NFKB1: variants seen among roughly 807,000 people sequenced by gnomAD.
NFKB1 encodes the protein nuclear factor kappa B subunit 1.
Under a neutral mutation model 105.1 loss-of-function variants are expected in NFKB1, and 9 were observed. The ratio of observed to expected loss-of-function variants is 0.09; its 90% CI spans 0.05 to 0.15. The LOEUF (loss-of-function observed/expected upper bound fraction) is 0.15. NFKB1 is among the 10% of genes least tolerant of loss of function. NFKB1 has a pLI of 1.00. For missense variants in NFKB1, 830 were observed against 1,203.7 expected, an observed-to-expected ratio of 0.69 and a Z score of 4.59; for synonymous variants, 440 against 442.2, an observed-to-expected ratio of 1.00 and a Z score of 0.06.
At chr4:102,534,603 G>A (rs929929606) in intron 4 of NFKB1, among the ~76,000 whole-genome samples, 49 of 152,172 alleles carry the variant, frequency 3.2e-4, no homozygotes, top group Non-Finnish European at 2.2e-4. Context: ...AATCTTTAAT[G>A]TCTGCCTATA....
intron 5 of NFKB1, among the ~76,000 whole-genome samples, chr4:102,539,236 C>CAAAAAAAAAAAAAAAAAAAAAAAA (rs550342036): frequency 3.1e-5 from 3 of 95,636 alleles, no homozygotes; most frequent in African/African-American, 1.1e-4. Context: ...GACTCTGTCT[C>CAAAAAAAAAAAAAAAAAAAAAAAA]AAAAAAAAAA....
At chr4:102,557,337 A>G (rs1241255865) in intron 5 of NFKB1, 1 of 152,230 alleles carries the variant, frequency 6.6e-6, no homozygotes, top group Admixed American at 6.5e-5. Context: ...CACATTCTAC[A>G]AATGAGAAAG....
intron 5 of NFKB1, among the ~76,000 whole-genome samples, chr4:102,564,376 A>G (rs567818710): frequency 6.6e-6 from 1 of 152,330 alleles, no homozygotes; most frequent in South Asian, 2.1e-4. Context: ...TTCATGTACC[A>G]TATAACTTGC....
intron 5 of NFKB1, among the ~76,000 whole-genome samples, chr4:102,566,211 T>A (rs1051662434): frequency 2.0e-5 from 3 of 152,210 alleles, no homozygotes; most frequent in African/African-American, 7.2e-5. Flanking sequence ...TTCCTTTTTA[T>A]TGCTATTGTC....
intron 7 of NFKB1, chr4:102,578,580 A>T (rs1725054656): frequency 4.5e-6 from 2 of 444,670 alleles, no homozygotes; most frequent in South Asian, 1.0e-4. Context: ...TGTGCCTTTA[A>T]CTCTTACTGT....
chr4:102,519,191 G>C (rs1740402469), intron 1 of NFKB1, among the ~76,000 whole-genome samples: 2 of 150,730 alleles, frequency 1.3e-5, no homozygotes, highest in South Asian at 4.2e-4. Context: ...AAAACATTCA[G>C]GTAGTATTTC....
Position 102,582,966 on chromosome 4 carries a change from TTTA to T in NFKB1, c.927+22_927+24del, listed in dbSNP as rs763086308. ...CAGATGTTCATAGACAAGTAAGTGA[TTTA>T]TTATTATTATTAATCCTTATTATTT... On this transcript the variant is annotated intron_variant, in intron 10 of 23. Transcript: ENST00000226574. The T allele has an allele frequency of 1.2e-4, 190 of 1,552,692 alleles. No homozygotes were observed. The highest frequency in any genetic ancestry group is 1.4e-4 in the Non-Finnish European group (158 of 1,126,840).
At chr4:102,520,567 A>G (rs1033943906) in intron 1 of NFKB1, among the ~76,000 whole-genome samples, 4 of 152,202 alleles carry the variant, frequency 2.6e-5, no homozygotes, top group African/African-American at 9.6e-5. Context: ...CAAATGAAAC[A>G]TGGATGTGGA....
chr4:102,572,176 C>T (rs550917156), intron 6 of NFKB1, among the ~76,000 whole-genome samples: 9 of 152,200 alleles, frequency 5.9e-5, no homozygotes, highest in African/African-American at 2.2e-4. Context: ...GAGCTCATGT[C>T]CTTTGTAGGG....
At chr4:102,530,025 G>T in intron 3 of NFKB1, 111 bp downstream of exon 3, 1 of 724,596 alleles carries the variant, frequency 1.4e-6, no homozygotes, top group Non-Finnish European at 2.3e-6. Flanking sequence ...GAAAGGAAAT[G>T]GTGATTTGTT....
At chr4:102,579,620 TAATGAGACCCCATCTCAAAAAAAAA>T (rs1374830107) in intron 8 of NFKB1, among the ~76,000 whole-genome samples, 1 of 125,790 alleles carries the variant, frequency 7.9e-6, no homozygotes, top group African/African-American at 3.4e-5. Flanking sequence ...ATGAGCAACA[TAATGAGACCCCATCTCAAAAAAAAA>T]AATATATATA....
At chr4:102,510,253 T>A (rs1028084398) in intron 1 of NFKB1, among the ~76,000 whole-genome samples, 1 of 152,210 alleles carries the variant, frequency 6.6e-6, no homozygotes, top group East Asian at 1.9e-4. Flanking sequence ...AAAAGAAACA[T>A]CTTGAGGGCA....
chr4:102,524,232 C>T (rs1740752545), intron 1 of NFKB1, among the ~76,000 whole-genome samples: 1 of 152,070 alleles, frequency 6.6e-6, no homozygotes, highest in African/African-American at 2.4e-5. Flanking sequence ...CTATCTTTAT[C>T]TGACCATGTG....
At chr4:102,581,455 G>A (rs184449432) in intron 9 of NFKB1, among the ~76,000 whole-genome samples, 1 of 152,130 alleles carries the variant, frequency 6.6e-6, no homozygotes, top group Admixed American at 6.5e-5. Flanking sequence ...AGAAAAAAAT[G>A]GGATCAGATT....
At chr4:102,537,754 C>G (rs41452347) in intron 4 of NFKB1, 104 bp from the exon 5 acceptor site, 7 of 574,388 alleles carry the variant, frequency 1.2e-5, no homozygotes, top group Non-Finnish European at 3.1e-6. Context: ...TTTTTCTTCT[C>G]TCATTTAGTA....
intron 16 of NFKB1, among the ~76,000 whole-genome samples, chr4:102,604,525 G>A (rs1434947017): frequency 6.6e-6 from 1 of 151,922 alleles, no homozygotes; most frequent in Non-Finnish European, 1.5e-5. Flanking sequence ...AGTTCTTTGT[G>A]CATATATTTT....
At chr4:102,530,440 C>T (rs369929307) in intron 3 of NFKB1, among the ~76,000 whole-genome samples, 1 of 151,918 alleles carries the variant, frequency 6.6e-6, no homozygotes, top group African/African-American at 2.4e-5. Context: ...TTAATTGTGC[C>T]GATTGGCAAC....
At chr4:102,613,367 C>A in intron 22 of NFKB1, 58 bp from the exon 23 acceptor site, 1 of 1,579,454 alleles carries the variant, frequency 6.3e-7, no homozygotes. Flanking sequence ...TCAGTGCTTA[C>A]AGCCTGCACT....
intron 1 of NFKB1, among the ~76,000 whole-genome samples, chr4:102,502,822 C>T (rs1739177348): frequency 6.6e-6 from 1 of 152,012 alleles, no homozygotes; most frequent in South Asian, 2.1e-4. Context: ...TTTTATAAAG[C>T]TCATAATCTG....
Sources: allele counts gnomAD v4.1 joint callset (sites outside exome capture counted in the v4.1 genomes callset), GRCh38; gene constraint gnomAD v4.1.1; transcripts MANE v1.5; gene names NCBI Gene and HGNC (gene_info 2026-07-23, HGNC 2026-07-21).